The following RAD51B variants were observed in gnomAD, a reference collection of about 807,000 sequenced individuals.
RAD51B encodes DNA repair protein RAD51 homolog 2.
In RAD51B, 38 loss-of-function variants were observed where a neutral mutation model predicts 42.2. That is an observed-to-expected ratio of 0.90 (90% confidence interval 0.70 to 1.18). The LOEUF (loss-of-function observed/expected upper bound fraction) is 1.18, where lower values mean the gene tolerates loss of function less well. RAD51B is among the 50% of genes most tolerant of loss of function. The pLI is 0.00. For missense variants in RAD51B, 373 were observed against 400.7 expected, an observed-to-expected ratio of 0.93 and a Z score of 0.59; for synonymous variants, 154 against 145.2, an observed-to-expected ratio of 1.06 and a Z score of -0.43.
intron 7 of RAD51B, among the ~76,000 whole-genome samples, chr14:68,183,383 A>C (rs1007789546): frequency 6.6e-6 from 1 of 152,232 alleles, no homozygotes; most frequent in African/African-American, 2.4e-5. Context: ...TCAGCAAGTC[A>C]AGTCCAACTT....
chr14:68,286,791 G>A (rs1037945824), intron 7 of RAD51B, among the ~76,000 whole-genome samples: 1 of 152,216 alleles, frequency 6.6e-6, no homozygotes, highest in African/African-American at 2.4e-5. Flanking sequence ...TCTAGTCATA[G>A]CCTAGCTAAA....
intron 10 of RAD51B, among the ~76,000 whole-genome samples, chr14:68,507,721 A>G (rs1885436914): frequency 1.3e-5 from 2 of 152,198 alleles, no homozygotes; most frequent in African/African-American, 2.4e-5. Flanking sequence ...CTGCATTACC[A>G]AAGTGCCAGC....
At chr14:68,646,608 T>G (rs899680941) in intron 10 of RAD51B, among the ~76,000 whole-genome samples, 3 of 152,226 alleles carry the variant, frequency 2.0e-5, no homozygotes, top group African/African-American at 7.2e-5. Context: ...TCATGATTCT[T>G]CCATTGCTTT....
intron 10 of RAD51B, among the ~76,000 whole-genome samples, chr14:68,496,868 C>G (rs1232189556): frequency 6.6e-6 from 1 of 152,242 alleles, no homozygotes; most frequent in African/African-American, 2.4e-5. Flanking sequence ...CTAGTTAACA[C>G]AGGGCATCTC....
At chr14:68,254,615 A>G (rs572966762) in intron 7 of RAD51B, among the ~76,000 whole-genome samples, 2 of 152,364 alleles carry the variant, frequency 1.3e-5, no homozygotes, top group Admixed American at 1.3e-4. Context: ...CCATTAATGC[A>G]TTAAGAAGCA....
intron 7 of RAD51B, among the ~76,000 whole-genome samples, chr14:68,127,890 T>A (rs1297836899): frequency 1.3e-5 from 2 of 152,202 alleles, no homozygotes; most frequent in Non-Finnish European, 2.9e-5. Context: ...CCTGTTAGTT[T>A]GTGTCCCCTA....
intron 7 of RAD51B, among the ~76,000 whole-genome samples, chr14:67,978,351 C>A (rs2075032281): frequency 6.6e-6 from 1 of 152,124 alleles, no homozygotes; most frequent in Non-Finnish European, 1.5e-5. Context: ...AAATATATTT[C>A]TTTGGGAAAA....
At chr14:68,330,699 A>C (rs796327068) in intron 8 of RAD51B, among the ~76,000 whole-genome samples, 1 of 152,248 alleles carries the variant, frequency 6.6e-6, no homozygotes, top group South Asian at 2.1e-4. Context: ...AAAAAAATCA[A>C]AACAAAAACA....
intron 7 of RAD51B, among the ~76,000 whole-genome samples, chr14:67,985,908 TTAAA>T (rs995188090): frequency 1.1e-4 from 16 of 152,232 alleles, no homozygotes; most frequent in Admixed American, 8.5e-4. Context: ...AGAACTTGTC[TTAAA>T]TAAATAAATA....
At chr14:68,411,627 C>A in intron 9 of RAD51B, 100 bp downstream of exon 9, 1 of 1,104,222 alleles carries the variant, frequency 9.1e-7, no homozygotes, top group Non-Finnish European at 1.3e-6. Context: ...ATTGTCTGTC[C>A]TGAGCCAGCA....
intron 7 of RAD51B, among the ~76,000 whole-genome samples, chr14:68,079,828 TG>T (rs2140487196): frequency 6.6e-6 from 1 of 152,378 alleles, no homozygotes; most frequent in African/African-American, 2.4e-5. Context: ...AGGTGGCGTA[TG>T]TGCGCTCTTG....
intron 7 of RAD51B, among the ~76,000 whole-genome samples, chr14:68,087,578 T>C (rs2077003818): frequency 6.6e-6 from 1 of 151,804 alleles, no homozygotes; most frequent in Non-Finnish European, 1.5e-5. Flanking sequence ...GAAAGAAAGT[T>C]CGCTGTGGAA....
At position 67,824,964 on chromosome 14, in the gene RAD51B, G is replaced by T. The variant is rs540271246; in HGVS notation, c.85-500G>T. ...ATGGTAGTGAGTGCCTGTAGTCCCAGCTACTCAGGAGTCTCAGGCAGAAGA... is the reference window on the plus strand; with the variant it reads ...ATGGTAGTGAGTGCCTGTAGTCCCATCTACTCAGGAGTCTCAGGCAGAAGA... On this transcript the variant is annotated intron_variant, in intron 2 of 10. Transcript: ENST00000471583. 1.4e-4 allele frequency among the ~76,000 whole-genome samples: 21 copies of T among 150,750 alleles called. No homozygotes were observed. The South Asian group carries it at 4.2e-3, about 30-fold the overall frequency.
intron 9 of RAD51B, among the ~76,000 whole-genome samples, chr14:68,440,582 T>TA (rs1311162965): frequency 6.6e-6 from 1 of 151,816 alleles, no homozygotes; most frequent in Non-Finnish European, 1.5e-5. Context: ...CCGTCTCTAC[T>TA]AAAAAATACA....
intron 7 of RAD51B, among the ~76,000 whole-genome samples, chr14:68,094,926 T>C (rs2077166637): frequency 6.6e-6 from 1 of 152,164 alleles, no homozygotes; most frequent in African/African-American, 2.4e-5. Context: ...ACACAGGAAT[T>C]TATGTTTTTT....
rs182771726 is a variant in RAD51B, at chr14:68,052,488, A to G, written c.756+165284A>G. On this transcript the variant is annotated intron_variant, in intron 7 of 10. Coordinates refer to ENST00000471583, the MANE Select transcript of RAD51B (RefSeq NM_133510.4). The stretch of plus-strand genomic sequence containing the variant: ...TGGAGTTGGTCCCATTACCACTATA[A>G]TCACTTCCTCTAGTCATTCTTTCCT... 1.1e-4 allele frequency among the ~76,000 whole-genome samples: 17 copies of G among 152,154 alleles called. No homozygotes were observed. The East Asian group carries it at 2.5e-3, about 22-fold the overall frequency.
intron 7 of RAD51B, among the ~76,000 whole-genome samples, chr14:67,990,388 T>C (rs770213237): frequency 6.6e-5 from 10 of 152,232 alleles, no homozygotes; most frequent in Non-Finnish European, 1.5e-4. Context: ...TGGCTAATTA[T>C]ACATTATCAT....
At chr14:68,455,343 C>G (rs888358163) in intron 9 of RAD51B, among the ~76,000 whole-genome samples, 1 of 152,076 alleles carries the variant, frequency 6.6e-6, no homozygotes, top group Non-Finnish European at 1.5e-5. Context: ...AGAGAAACAC[C>G]TGCCATACAG....
intron 7 of RAD51B, among the ~76,000 whole-genome samples, chr14:67,901,524 G>A (rs1027421697): frequency 6.6e-6 from 1 of 152,132 alleles, no homozygotes; most frequent in Admixed American, 6.5e-5. Flanking sequence ...GCAGTTTACT[G>A]TTGAACAATA....
Sources: gnomAD v4.1 joint callset for allele counts (sites outside exome capture counted in the v4.1 genomes callset) on GRCh38, gnomAD v4.1.1 for gene constraint, MANE v1.5 for transcripts, NCBI Gene and HGNC (gene_info 2026-07-23, HGNC 2026-07-21) for gene names.